SFI1: variants seen among roughly 807,000 people sequenced by gnomAD.
The protein encoded by SFI1 is protein SFI1 homolog.
Under a neutral mutation model 207.5 loss-of-function variants are expected in SFI1, and 195 were observed. That is an observed-to-expected ratio of 0.94 (90% confidence interval 0.84 to 1.06). The LOEUF (loss-of-function observed/expected upper bound fraction) is 1.06. Ranked by LOEUF, SFI1 falls within the 50% of genes least tolerant of loss-of-function variation. The probability of loss-of-function intolerance (pLI) is 0.00; values close to 1 mark genes in which losing one functional copy is unlikely to be tolerated. For synonymous variants in SFI1, 630 were observed against 598.9 expected (o/e 1.05, Z -0.76); for missense variants, 1,634 against 1,588.0 (o/e 1.03, Z -0.49).
intron 12 of SFI1, among the ~76,000 whole-genome samples, 178 bp downstream of exon 12, chr22:31,580,542 C>CTTT (rs11347645): frequency 1.4e-4 from 16 of 117,280 alleles, no homozygotes; most frequent in Middle Eastern, 5.1e-3. Flanking sequence ...CTTTTCTTTT[C>CTTT]TTTTTTTTTT....
At chr22:31,559,523 G>C in intron 7 of SFI1, 1 of 552,918 alleles carries the variant, frequency 1.8e-6, no homozygotes, top group Admixed American at 2.3e-5. Flanking sequence ...CGTATTTTGC[G>C]AATACTCAAC....
At chr22:31,543,033 G>A (rs1164157868) in intron 4 of SFI1, among the ~76,000 whole-genome samples, 1 of 147,920 alleles carries the variant, frequency 6.8e-6, no homozygotes, top group Non-Finnish European at 1.5e-5. Flanking sequence ...GTGCAGTGGC[G>A]CATCTCGGCT....
chr22:31,561,855 C>T (rs1381679351), intron 8 of SFI1, among the ~76,000 whole-genome samples: 3 of 152,108 alleles, frequency 2.0e-5, no homozygotes, highest in African/African-American at 7.2e-5. Flanking sequence ...TGGCTAAGGC[C>T]TGTACTAAAA....
intron 5 of SFI1, among the ~76,000 whole-genome samples, chr22:31,547,467 C>T (rs1258012292): frequency 1.3e-5 from 2 of 152,224 alleles, no homozygotes; most frequent in African/African-American, 2.4e-5. Flanking sequence ...TGTGCCATCA[C>T]GCCTGGCTAA....
chr22:31,543,032 C>T (rs940206338), intron 4 of SFI1, among the ~76,000 whole-genome samples: 9 of 147,504 alleles, frequency 6.1e-5, no homozygotes, highest in Non-Finnish European at 1.2e-4. Context: ...AGTGCAGTGG[C>T]GCATCTCGGC....
chr22:31,617,175 G>C, intron 31 of SFI1, 97 bp downstream of exon 31: 1 of 1,308,590 alleles, frequency 7.6e-7, no homozygotes, highest in Non-Finnish European at 1.1e-6. Context: ...CCAGCTGCCA[G>C]GGTCCTGTAG....
chr22:31,600,377 A>G (rs7285091), intron 15 of SFI1, among the ~76,000 whole-genome samples: 6,906 of 152,228 alleles, frequency 0.045, 135 homozygotes, highest in African/African-American at 0.053. Context: ...TTTTTATACT[A>G]AGGTCAACTG....
intron 1 of SFI1, among the ~76,000 whole-genome samples, chr22:31,502,788 A>G (rs1038527722): frequency 1.3e-5 from 2 of 151,992 alleles, no homozygotes; most frequent in Non-Finnish European, 2.9e-5. Context: ...ATGTTTTATG[A>G]TTCTCAATTG....
chr22:31,586,914 C>T (rs2065095424), intron 14 of SFI1, among the ~76,000 whole-genome samples: 1 of 152,158 alleles, frequency 6.6e-6, no homozygotes, highest in Non-Finnish European at 1.5e-5. Flanking sequence ...CATTCCTAAA[C>T]CTTTAGCTAA....
chr22:31,618,343 G>A lies in SFI1; in HGVS notation c.3654G>A (p.Glu1218=), dbSNP rs765077485. The A allele has an allele frequency of 9.9e-6, 16 of 1,609,968 alleles. No individual in the cohort carries two copies. The highest frequency in any genetic ancestry group is 1.4e-5 in the Non-Finnish European group (16 of 1,177,498). Residue 1218 remains glutamate, a synonymous_variant, in exon 33 of 33, where the codon GAG becomes GAA. Transcript: ENST00000400288. ...AAATGCAGATCCAGCTGCTGGCAGA[G>A]GAGCTCCAGGCTCAGCGCCAGCCCA... The part of the protein sequence containing the change: ...QVEMQIQLLA[E]ELQAQRQPIG...
At chr22:31,591,601 AC>A (rs1176621591) in intron 15 of SFI1, among the ~76,000 whole-genome samples, 9 of 92,536 alleles carry the variant, frequency 9.7e-5, no homozygotes, top group East Asian at 5.9e-4. Context: ...AGGGGGGCTG[AC>A]CCCCCCCACC....
chr22:31,504,357 G>T (rs1317858158), intron 1 of SFI1, among the ~76,000 whole-genome samples: 1 of 152,194 alleles, frequency 6.6e-6, no homozygotes, highest in East Asian at 1.9e-4. Flanking sequence ...TCGGTTTGAT[G>T]TAAGTAAGGA....
intron 4 of SFI1, among the ~76,000 whole-genome samples, chr22:31,542,939 CG>C (rs1354630978): frequency 6.9e-6 from 1 of 143,918 alleles, no homozygotes. Context: ...TGGGATTACA[CG>C]TGTGAGCCAC....
chr22:31,559,484 T>C (rs2061471472), intron 7 of SFI1: 1 of 487,076 alleles, frequency 2.1e-6, no homozygotes, highest in Non-Finnish European at 3.9e-6. Context: ...GTTCCTGCTA[T>C]GTCTCTAGTG....
chr22:31,497,808 C>G (rs949648896), intron 1 of SFI1, among the ~76,000 whole-genome samples: 1 of 152,146 alleles, frequency 6.6e-6, no homozygotes, highest in Non-Finnish European at 1.5e-5. Flanking sequence ...AGCCTACTAT[C>G]GAGACCTACT....
At chr22:31,534,070 C>A (rs1472898896) in intron 4 of SFI1, among the ~76,000 whole-genome samples, 4 of 152,158 alleles carry the variant, frequency 2.6e-5, no homozygotes, top group Non-Finnish European at 5.9e-5. Context: ...GCCCATCTCC[C>A]TCTCTTTGTG....
intron 14 of SFI1, 133 bp from the exon 15 acceptor site, chr22:31,589,312 GAT>G: frequency 1.1e-6 from 1 of 952,284 alleles, no homozygotes; most frequent in Non-Finnish European, 1.5e-6. Flanking sequence ...TATTGGCAAA[GAT>G]AATAAATAAT....
At chr22:31,541,321 C>CT (rs1459376278) in intron 4 of SFI1, among the ~76,000 whole-genome samples, 8 of 152,138 alleles carry the variant, frequency 5.3e-5, no homozygotes. Flanking sequence ...GTCTGTCACC[C>CT]TTTCTCCTAT....
At chr22:31,519,993 T>C (rs1157584010) in intron 2 of SFI1, among the ~76,000 whole-genome samples, 1 of 151,922 alleles carries the variant, frequency 6.6e-6, no homozygotes, top group African/African-American at 2.4e-5. Context: ...CTTGAACTCC[T>C]GGGCTCAAGT....
Sources: gnomAD v4.1 joint callset for allele counts (sites outside exome capture counted in the v4.1 genomes callset) on GRCh38, gnomAD v4.1.1 for gene constraint, MANE v1.5 for transcripts, NCBI Gene and HGNC (gene_info 2026-07-23, HGNC 2026-07-21) for gene names.